The following CNTNAP5 variants were observed in gnomAD, a reference collection of about 807,000 sequenced individuals.
CNTNAP5 encodes the protein contactin-associated protein-like 5.
A neutral mutation model predicts 150.2 loss-of-function variants in CNTNAP5; 72 were observed. The ratio of observed to expected loss-of-function variants is 0.48; its 90% CI spans 0.40 to 0.58. The LOEUF is 0.58. Ranked by LOEUF, CNTNAP5 falls within the 20% of genes least tolerant of loss-of-function variation. The pLI is 0.00. For missense variants in CNTNAP5, 1,636 were observed against 1,626.2 expected (o/e 1.01, Z -0.10); for synonymous variants, 672 against 619.8 (o/e 1.08, Z -1.25).
chr2:124,358,619 T>C (rs1690096668), intron 3 of CNTNAP5, among the ~76,000 whole-genome samples: 1 of 152,248 alleles, frequency 6.6e-6, no homozygotes. Flanking sequence ...CTGATTTGCA[T>C]ATATTGAACC....
intron 6 of CNTNAP5, among the ~76,000 whole-genome samples, chr2:124,449,688 C>T (rs550339413): frequency 6.6e-6 from 1 of 152,240 alleles, no homozygotes; most frequent in African/African-American, 2.4e-5. Context: ...GAAAGAGGCA[C>T]CTTGAAACGT....
chr2:124,823,940 C>T (rs1387210688), intron 19 of CNTNAP5, among the ~76,000 whole-genome samples: 4 of 143,804 alleles, frequency 2.8e-5, no homozygotes, highest in Admixed American at 7.0e-5. Flanking sequence ...TTTTTTGAGA[C>T]GGAGTTTTAC....
chr2:124,183,412 T>G (rs1685254994), intron 1 of CNTNAP5, among the ~76,000 whole-genome samples: 1 of 152,242 alleles, frequency 6.6e-6, no homozygotes, highest in Non-Finnish European at 1.5e-5. Flanking sequence ...ATGTCTAGTT[T>G]CTTTTGAAAT....
At chr2:124,687,682 T>C (rs1351815354) in intron 13 of CNTNAP5, among the ~76,000 whole-genome samples, 1 of 152,026 alleles carries the variant, frequency 6.6e-6, no homozygotes, top group East Asian at 1.9e-4. Context: ...AGAGATCTGA[T>C]TGAACTACAA....
chr2:124,218,206 T>C (rs566437923), intron 1 of CNTNAP5, among the ~76,000 whole-genome samples: 16 of 152,312 alleles, frequency 1.1e-4, no homozygotes, highest in African/African-American at 3.6e-4. Flanking sequence ...AATCAGACCT[T>C]GGCGACAACC....
chr2:124,064,134 A>G (rs1682091607), intron 1 of CNTNAP5, among the ~76,000 whole-genome samples: 1 of 152,150 alleles, frequency 6.6e-6, no homozygotes, highest in Admixed American at 6.6e-5. Flanking sequence ...AGCGACTTCG[A>G]AGGCCTATTC....
At chr2:124,524,259 C>T (rs1473552116) in intron 8 of CNTNAP5, 44 bp from the exon 9 acceptor site, 5 of 1,609,340 alleles carry the variant, frequency 3.1e-6, no homozygotes, top group Non-Finnish European at 4.3e-6. Context: ...TCTAAGTCTT[C>T]TGGACCCATC....
intron 13 of CNTNAP5, among the ~76,000 whole-genome samples, chr2:124,674,509 CTCTTTCTT>C (rs768888927): frequency 0.015 from 1,746 of 115,408 alleles, 20 homozygotes; most frequent in East Asian, 0.039. Context: ...TTCTTTCTTT[CTCTTTCTT>C]TCTTTCTTTC....
intron 11 of CNTNAP5, among the ~76,000 whole-genome samples, chr2:124,571,539 T>C (rs10445859): frequency 2.6e-4 from 13 of 50,302 alleles, no homozygotes; most frequent in African/African-American, 9.0e-4. Context: ...TTTTTTTTTT[T>C]TTTTTTTTTG....
intron 1 of CNTNAP5, among the ~76,000 whole-genome samples, chr2:124,123,813 C>A (rs929985230): frequency 2.0e-5 from 3 of 152,134 alleles, no homozygotes; most frequent in Non-Finnish European, 4.4e-5. Flanking sequence ...GGACCTCCAG[C>A]AAACTCCAAC....
rs1678719775 is a variant in CNTNAP5, at chr2:124,914,375, C to T, written c.*87C>T. 7.1e-6 allele frequency: 7 copies of T among 984,724 alleles called. No homozygotes were observed. The South Asian group carries it at 1.1e-4, about 16-fold the overall frequency. 61.0% of individuals were successfully genotyped at this position (984,724 alleles called of 1,614,324 possible). On this transcript the variant is annotated 3_prime_UTR_variant, in exon 24 of 24. Transcript: ENST00000682447. ...TCTCCTGTCTTTTGATTTGGTCATTCTCTTTATTTTCTGCTTGCCATGTCT... is the reference window on the plus strand; with the variant it reads ...TCTCCTGTCTTTTGATTTGGTCATTTTCTTTATTTTCTGCTTGCCATGTCT...
chr2:124,363,609 T>G (rs1690280305), intron 3 of CNTNAP5, among the ~76,000 whole-genome samples: 1 of 152,232 alleles, frequency 6.6e-6, no homozygotes, highest in African/African-American at 2.4e-5. Flanking sequence ...TGAGTGAGTT[T>G]TATAGATCTG....
rs183344918 is a variant in CNTNAP5 at position 124,793,413 on chromosome 2, G to T, written c.2992+3272G>T. 1.4e-3 allele frequency among the ~76,000 whole-genome samples: 210 copies of T among 152,064 alleles called. 1 individual carries two copies. Among genetic ancestry groups the T allele is most frequent in the Admixed American group, 0.01 (158 of 15,278 alleles). The stretch of plus-strand genomic sequence containing the variant: ...TACTAGTCAGTTGTAATAATTTGTC[G>T]TATGTTTGGAATATAATTCCCTTAT... On this transcript the variant is annotated intron_variant, in intron 18 of 23. Coordinates refer to ENST00000682447, the MANE Select transcript of CNTNAP5 (RefSeq NM_001367498.1).
chr2:124,040,507 A>G (rs17010744), intron 1 of CNTNAP5, among the ~76,000 whole-genome samples: 16,271 of 152,030 alleles, frequency 0.11, 982 homozygotes, highest in East Asian at 0.29. Context: ...ACCTTACAGT[A>G]TGCCATGTGT....
chr2:124,638,870 G>A (rs2105017412), intron 12 of CNTNAP5, among the ~76,000 whole-genome samples: 1 of 152,200 alleles, frequency 6.6e-6, no homozygotes, highest in East Asian at 1.9e-4. Flanking sequence ...ATTTATTATG[G>A]CTGCATTGTA....
intron 4 of CNTNAP5, among the ~76,000 whole-genome samples, chr2:124,430,283 A>C (rs1372350860): frequency 6.6e-6 from 1 of 152,152 alleles, no homozygotes; most frequent in African/African-American, 2.4e-5. Context: ...CTTGCTCACT[A>C]TATACCTCTT....
intron 13 of CNTNAP5, among the ~76,000 whole-genome samples, chr2:124,674,835 G>A (rs146921813): frequency 2.0e-5 from 3 of 151,680 alleles, no homozygotes; most frequent in Non-Finnish European, 4.4e-5. Flanking sequence ...TAAGAATTTT[G>A]GGTAACATAC....
At chr2:124,226,763 G>A (rs1411255841) in intron 2 of CNTNAP5, among the ~76,000 whole-genome samples, 1 of 151,978 alleles carries the variant, frequency 6.6e-6, no homozygotes, top group African/African-American at 2.4e-5. Context: ...CCAAGGTCAA[G>A]GGGGGCAGAT....
intron 19 of CNTNAP5, among the ~76,000 whole-genome samples, chr2:124,819,601 A>C (rs1682441792): frequency 6.6e-6 from 1 of 152,164 alleles, no homozygotes; most frequent in Admixed American, 6.6e-5. Context: ...TGGTCAGTGG[A>C]GCCTGCTGGG....
Sources: allele counts gnomAD v4.1 joint callset (sites outside exome capture counted in the v4.1 genomes callset), GRCh38; gene constraint gnomAD v4.1.1; transcripts MANE v1.5; gene names NCBI Gene and HGNC (gene_info 2026-07-23, HGNC 2026-07-21).